Variants in TCF7L2 observed in about 807,000 individuals in gnomAD.
TCF7L2 encodes the protein transcription factor 7 like 2, also known as transcription factor 7-like 2.
Under a neutral mutation model 77.9 loss-of-function variants are expected in TCF7L2, and 23 were observed. The ratio of observed to expected loss-of-function variants is 0.30; its 90% confidence interval spans 0.21 to 0.42. The LOEUF (loss-of-function observed/expected upper bound fraction) is 0.42, where lower values mean the gene tolerates loss of function less well. Ranked by LOEUF, TCF7L2 falls within the 10% of genes least tolerant of loss-of-function variation. The pLI is 1.00. For synonymous variants in TCF7L2, 413 were observed against 340.2 expected (o/e 1.21, Z -2.36); for missense variants, 654 against 793.1 (o/e 0.82, Z 2.11).
chr10:113,084,916 A>C (rs1180356976), intron 5 of TCF7L2, among the ~76,000 whole-genome samples: 1 of 151,776 alleles, frequency 6.6e-6, no homozygotes, highest in Middle Eastern at 3.2e-3. Flanking sequence ...CCCCCAAAAA[A>C]AAAAAACAAA....
chr10:113,042,371 G>T (rs1030954245), intron 5 of TCF7L2, among the ~76,000 whole-genome samples: 1 of 152,212 alleles, frequency 6.6e-6, no homozygotes, highest in Non-Finnish European at 1.5e-5. Flanking sequence ...AATCTTTTGG[G>T]CTTTCTGCTG....
chr10:113,047,660 T>C (rs2053690991), intron 5 of TCF7L2, among the ~76,000 whole-genome samples: 1 of 152,188 alleles, frequency 6.6e-6, no homozygotes, highest in Non-Finnish European at 1.5e-5. Flanking sequence ...ATTATCTTTG[T>C]TTTCATGGCA....
intron 4 of TCF7L2, among the ~76,000 whole-genome samples, chr10:112,985,767 T>C (rs1016446791): frequency 3.9e-5 from 6 of 152,094 alleles, no homozygotes; most frequent in African/African-American, 1.4e-4. Flanking sequence ...TCACTTGGGA[T>C]GGAGGCATTA....
intron 4 of TCF7L2, among the ~76,000 whole-genome samples, chr10:113,030,730 G>A (rs570580003): frequency 6.6e-6 from 1 of 152,252 alleles, no homozygotes; most frequent in South Asian, 2.1e-4. Flanking sequence ...GAGAGACATG[G>A]GAGGGCAAGG....
intron 5 of TCF7L2, among the ~76,000 whole-genome samples, chr10:113,096,614 C>T (rs1429292455): frequency 6.6e-6 from 1 of 151,988 alleles, no homozygotes; most frequent in Non-Finnish European, 1.5e-5. Context: ...CCATAGGAGG[C>T]CAGATTTGCT....
At chr10:112,957,190 CTTTTTTTT>C (rs35054285) in intron 3 of TCF7L2, among the ~76,000 whole-genome samples, 27 of 60,686 alleles carry the variant, frequency 4.4e-4, no homozygotes, top group Admixed American at 7.1e-4. Context: ...ACACCCCCAC[CTTTTTTTT>C]TTTTTTTTTT....
intron 5 of TCF7L2, among the ~76,000 whole-genome samples, chr10:113,091,089 A>G (rs2060349873): frequency 6.6e-6 from 1 of 152,066 alleles, no homozygotes; most frequent in Non-Finnish European, 1.5e-5. Flanking sequence ...TTTAATAGAG[A>G]CAGGGTTTTG....
In TCF7L2 at chr10:113,055,207, C is replaced by A. The variant is rs149677453; in HGVS notation, c.552+15081C>A. 8.8e-3 allele frequency among the ~76,000 whole-genome samples: 1,346 copies of A among 152,310 alleles called. 24 individuals are homozygous for A. The highest frequency in any genetic ancestry group is 0.03 in the African/African-American group (1,264 of 41,558). On this transcript the variant is annotated intron_variant, in intron 5 of 13. Transcript: ENST00000627217. ...GCTATTGTCAAGCTCTCCAGAACAACTGGATGAGTTGATTGGATCAATGAG... is the reference window on the plus strand; with the variant it reads ...GCTATTGTCAAGCTCTCCAGAACAAATGGATGAGTTGATTGGATCAATGAG...
intron 4 of TCF7L2, among the ~76,000 whole-genome samples, chr10:113,034,577 A>T (rs1209635382): frequency 1.3e-5 from 2 of 152,220 alleles, no homozygotes; most frequent in Non-Finnish European, 2.9e-5. Flanking sequence ...AACAGCGGAA[A>T]GCCATCATGA....
At chr10:112,980,420 A>G (rs2040253552) in intron 4 of TCF7L2, among the ~76,000 whole-genome samples, 1 of 152,196 alleles carries the variant, frequency 6.6e-6, no homozygotes, top group African/African-American at 2.4e-5. Context: ...GGGCTACTTA[A>G]TTTGATACAG....
At chr10:112,951,420 T>A (rs2031211724) in intron 2 of TCF7L2, 63 bp from the exon 3 acceptor site, 1 of 1,306,356 alleles carries the variant, frequency 7.7e-7, no homozygotes, top group Non-Finnish European at 1.0e-6. Flanking sequence ...TCTAAAAAGT[T>A]TCTCCTCACT....
At chr10:112,981,568 T>A (rs2040476007) in intron 4 of TCF7L2, among the ~76,000 whole-genome samples, 1 of 152,156 alleles carries the variant, frequency 6.6e-6, no homozygotes, top group Admixed American at 6.6e-5. Context: ...CCACCCTCTT[T>A]GGAATTTTTG....
chr10:113,088,157 G>A (rs762756646), intron 5 of TCF7L2, among the ~76,000 whole-genome samples: 1 of 151,882 alleles, frequency 6.6e-6, no homozygotes, highest in Non-Finnish European at 1.5e-5. Flanking sequence ...AAAAAGAAAC[G>A]TAGAATATTA....
chr10:113,135,841 T>G (rs1251086766), intron 5 of TCF7L2, among the ~76,000 whole-genome samples: 2 of 152,192 alleles, frequency 1.3e-5, no homozygotes, highest in Non-Finnish European at 2.9e-5. Context: ...GGGGCAATAT[T>G]TGCTGAAAAT....
intron 5 of TCF7L2, among the ~76,000 whole-genome samples, chr10:113,136,170 G>A (rs745850968): frequency 2.6e-4 from 39 of 152,152 alleles, no homozygotes; most frequent in Non-Finnish European, 4.4e-4. Context: ...TCATAGGCTC[G>A]TTGTGAGGAT....
At chr10:112,951,310 CCGCCCCCCGGGCCGGCCGCCCCG>C (rs1412727368) in intron 2 of TCF7L2, 37 bp downstream of exon 2, 2 of 1,084,472 alleles carry the variant, frequency 1.8e-6, no homozygotes, top group Non-Finnish European at 2.3e-6. Context: ...CCGCCCGGAG[CCGCCCCCCGGGCCGGCCGCCCCG>C]CGCGCCCCGG....
At chr10:113,103,283 G>GCTT (rs1397779961) in intron 5 of TCF7L2, among the ~76,000 whole-genome samples, 1 of 152,168 alleles carries the variant, frequency 6.6e-6, no homozygotes, top group Non-Finnish European at 1.5e-5. Context: ...AGATATGCTG[G>GCTT]CTTCTGATCC....
chr10:113,093,170 C>G (rs764425599), intron 5 of TCF7L2, among the ~76,000 whole-genome samples: 2 of 152,168 alleles, frequency 1.3e-5, no homozygotes, highest in African/African-American at 4.8e-5. Context: ...AACTACTGTA[C>G]GAACTACTGT....
chr10:113,075,510 C>A (rs1226070352), intron 5 of TCF7L2, among the ~76,000 whole-genome samples: 8 of 151,556 alleles, frequency 5.3e-5, no homozygotes, highest in East Asian at 1.9e-4. Flanking sequence ...GAATGGCAAC[C>A]CAATTTGCAA....
Sources: gnomAD v4.1 joint callset for allele counts (sites outside exome capture counted in the v4.1 genomes callset) on GRCh38, gnomAD v4.1.1 for gene constraint, MANE v1.5 for transcripts, NCBI Gene and HGNC (gene_info 2026-07-23, HGNC 2026-07-21) for gene names.